Variants in SPATA18 observed in about 807,000 individuals in gnomAD.
SPATA18 encodes the protein spermatogenesis associated 18.
In SPATA18, 54 loss-of-function variants were observed where a neutral mutation model predicts 68.1. That is an observed-to-expected ratio of 0.79 (90% CI 0.64 to 0.99). SPATA18 has a LOEUF of 0.99. Ranked by LOEUF, SPATA18 falls within the 50% of genes least tolerant of loss-of-function variation. SPATA18 has a pLI of 0.00. For missense variants in SPATA18, 724 were observed against 681.1 expected (o/e 1.06, Z -0.70); for synonymous variants, 242 against 244.8 (o/e 0.99, Z 0.11).
At chr4:52,082,200 C>A (rs1187071176) in intron 9 of SPATA18, among the ~76,000 whole-genome samples, 187 bp from the exon 10 acceptor site, 1 of 128,556 alleles carries the variant, frequency 7.8e-6, no homozygotes, top group Non-Finnish European at 1.8e-5. Context: ...TTAGCATATC[C>A]GTGCTGGGTC....
Position 52,076,971 on chromosome 4 carries a change from G to T in SPATA18, c.951G>T (p.Ala317=), listed in dbSNP as rs757092389. 7.4e-6 allele frequency: 12 copies of T among 1,613,822 alleles called. No individual in the cohort carries two copies. The highest frequency in any genetic ancestry group is 3.3e-4 in the Middle Eastern group (2 of 6,060). ...CCTATTCCCAGGCCCGCCTGGACGC[G>T]CAGTGCCTGCTGCGGCGCTGCATCG... The part of the protein sequence containing the change: ...SDSYSQARLD[A]QCLLRRCIDK... The change falls in exon 7 of 13, where the codon GCG becomes GCT. Residue 317 remains alanine (A), a synonymous_variant. Transcript: ENST00000295213.
chr4:52,055,556 A>G (rs985420180), intron 1 of SPATA18, among the ~76,000 whole-genome samples: 1 of 151,834 alleles, frequency 6.6e-6, no homozygotes, highest in Non-Finnish European at 1.5e-5. Flanking sequence ...GTGTTTCTCT[A>G]TTTTCTTTTT....
Position 52,051,680 on chromosome 4 carries a change from G to C in SPATA18, c.-25G>C. 1 of 1,612,502 alleles carries C rather than the reference G, an allele frequency of 6.2e-7. No homozygotes were observed. The highest frequency in any genetic ancestry group is 1.3e-5 in the African/African-American group (1 of 75,032). ...TCCCCCCAAGTCTCCATCGCGCAGCGTGGGGCCGAGAGGAATAGTGAGCGA... is the reference window on the plus strand; with the variant it reads ...TCCCCCCAAGTCTCCATCGCGCAGCCTGGGGCCGAGAGGAATAGTGAGCGA... On this transcript the variant is annotated 5_prime_UTR_variant, in exon 1 of 13. Coordinates refer to ENST00000295213, the MANE Select transcript of SPATA18 (RefSeq NM_145263.4).
chr4:52,071,357 A>G (rs1334925989), intron 5 of SPATA18, among the ~76,000 whole-genome samples: 3 of 152,166 alleles, frequency 2.0e-5, no homozygotes, highest in Admixed American at 1.3e-4. Flanking sequence ...TGTTTGCTAC[A>G]TTATTTTCAT....
chr4:52,072,617 G>C (rs150933946), intron 6 of SPATA18, among the ~76,000 whole-genome samples: 6,562 of 152,216 alleles, frequency 0.043, 197 homozygotes, highest in Non-Finnish European at 0.066. Context: ...TGTTGGCCAG[G>C]CTGGTCTCGA....
intron 9 of SPATA18, among the ~76,000 whole-genome samples, chr4:52,081,980 T>G (rs61796822): frequency 0.025 from 2,815 of 110,794 alleles, 2 homozygotes; most frequent in East Asian, 0.06. Flanking sequence ...CCTCTTTGGA[T>G]ATGATCATTT....
chr4:52,084,665 C>T (rs971775893), intron 10 of SPATA18, among the ~76,000 whole-genome samples: 13 of 152,208 alleles, frequency 8.5e-5, no homozygotes, highest in African/African-American at 2.4e-4. Context: ...AAACATTCTA[C>T]TGGCATCAAA....
chr4:52,079,312 TAAATGAA>T (rs1740699859), intron 8 of SPATA18, among the ~76,000 whole-genome samples: 1 of 152,166 alleles, frequency 6.6e-6, no homozygotes, highest in South Asian at 2.1e-4. Flanking sequence ...TTGAGAGCAT[TAAATGAA>T]AGAAAGTAGG....
chr4:52,080,070 C>T, intron 9 of SPATA18, 151 bp downstream of exon 9: 1 of 782,864 alleles, frequency 1.3e-6, no homozygotes, highest in Non-Finnish European at 2.0e-6. Flanking sequence ...TCTCTGTACT[C>T]CAGGGCAGGA....
intron 10 of SPATA18, chr4:52,083,459 T>G: frequency 1.0e-6 from 1 of 985,464 alleles, no homozygotes; most frequent in Non-Finnish European, 1.2e-6. Context: ...CCATAAATGT[T>G]GAGCCCTTAG....
At chr4:52,070,888 G>GT (rs1288865141) in intron 5 of SPATA18, among the ~76,000 whole-genome samples, 1 of 151,658 alleles carries the variant, frequency 6.6e-6, no homozygotes, top group Non-Finnish European at 1.5e-5. Context: ...AGTGGGGGGG[G>GT]GGGTGTTTTA....
intron 5 of SPATA18, 67 bp from the exon 6 acceptor site, chr4:52,071,850 C>G (rs115883014): frequency 1.3e-6 from 2 of 1,482,572 alleles, no homozygotes; most frequent in Non-Finnish European, 1.8e-6. Flanking sequence ...TATTACCTTT[C>G]CTTCCTTCCT....
chr4:52,076,362 A>G (rs2109476425), intron 6 of SPATA18, among the ~76,000 whole-genome samples: 1 of 152,266 alleles, frequency 6.6e-6, no homozygotes, highest in Non-Finnish European at 1.5e-5. Context: ...ACCTGAACAT[A>G]TGGGATAAAG....
chr4:52,086,576 C>T (rs1741454245), intron 11 of SPATA18, among the ~76,000 whole-genome samples: 1 of 152,174 alleles, frequency 6.6e-6, no homozygotes, highest in African/African-American at 2.4e-5. Context: ...TCATCAATGT[C>T]CCTGCAAAGG....
Position 52,071,952 on chromosome 4 carries a change from A to G in SPATA18, c.554A>G (p.His185Arg). The part of the protein sequence containing the change: ...KSLQAQEDAR[H>R]RNTDQRSSEN... ...CTTCAAGCTCAGGAGGATGCCCGCC[A>G]CAGAAACACAGATCAGAGGAGCTCA... is the stretch of plus-strand genomic sequence containing the variant. Residue 185 changes from histidine (H) to arginine (R), a missense_variant, in exon 6 of 13, where the codon CAC (histidine) becomes CGC (arginine). Transcript: ENST00000295213. The G allele has an allele frequency of 6.2e-7, 1 of 1,613,586 alleles. No homozygotes were observed. Among genetic ancestry groups the G allele is most frequent in the Non-Finnish European group, 8.5e-7 (1 of 1,179,906 alleles).
chr4:52,069,984 C>A, intron 5 of SPATA18, 68 bp downstream of exon 5: 1 of 1,017,060 alleles, frequency 9.8e-7, no homozygotes, highest in Non-Finnish European at 1.4e-6. Context: ...TGCTCCATTA[C>A]AACATGAAAG....
chr4:52,094,881 A>G lies in SPATA18; in HGVS notation c.1611A>G (p.Arg537=). 1 of 1,613,972 alleles carries G rather than the reference A, an allele frequency of 6.2e-7. No individual in the cohort carries two copies. Among genetic ancestry groups the G allele is most frequent in the South Asian group, 1.1e-5 (1 of 91,078 alleles). The part of the protein sequence containing the change: ...SPSPIRCGLP[R]F ...TGAACTGTCTATTTTTCTCCCTAGG[A>G]TTTTAAAAGCACCAGACCTGCTCCT... The change falls in exon 13 of 13, where the codon AGA becomes AGG. Residue 537 remains arginine, a splice_region_variant and synonymous_variant. Transcript: ENST00000295213.
chr4:52,085,149 A>T, intron 11 of SPATA18, 150 bp downstream of exon 11: 1 of 588,628 alleles, frequency 1.7e-6, no homozygotes, highest in Non-Finnish European at 3.0e-6. Context: ...TGATTTTTAT[A>T]CTACTGTGGG....
chr4:52,083,024 G>A lies in SPATA18; in HGVS notation c.1479+514G>A, dbSNP rs561113908. The A allele has an allele frequency of 9.1e-6, 9 of 985,252 alleles. No individual in the cohort carries two copies. The South Asian group carries it at 2.8e-4, about 31-fold the overall frequency. The allele number at this position is 985,252 out of a possible 1,614,324, so 61.0% of individuals were successfully genotyped here. A position where few individuals can be genotyped will look rare whatever the true frequency, so the allele number is the denominator to read the frequency against. ...GAGAGGAACCAATCAGTTTGGGAAGGTCGCTTCCTATATCCATTGGTTATA... is the reference window on the plus strand; with the variant it reads ...GAGAGGAACCAATCAGTTTGGGAAGATCGCTTCCTATATCCATTGGTTATA... On this transcript the variant is annotated intron_variant, in intron 10 of 12. Coordinates refer to ENST00000295213, the MANE Select transcript of SPATA18 (RefSeq NM_145263.4).
Sources: allele counts gnomAD v4.1 joint callset (sites outside exome capture counted in the v4.1 genomes callset), GRCh38; gene constraint gnomAD v4.1.1; transcripts MANE v1.5; gene names NCBI Gene and HGNC (gene_info 2026-07-23, HGNC 2026-07-21).